Variants in PBRM1 observed in about 807,000 individuals in gnomAD.
PBRM1 encodes protein polybromo-1.
PBRM1 carries 27 observed loss-of-function variants against 194.5 expected under a neutral mutation model. The ratio of observed to expected loss-of-function variants is 0.14; its 90% CI spans 0.10 to 0.19. The LOEUF (loss-of-function observed/expected upper bound fraction) is 0.19. Among genes scored for constraint, PBRM1 ranks in the 10% least tolerant of loss-of-function variants. The pLI, the probability that PBRM1 is intolerant of heterozygous loss-of-function variation, is 1.00. For synonymous variants in PBRM1, 655 were observed against 693.2 expected (o/e 0.94, Z 0.87); for missense variants, 1,466 against 2,077.2 (o/e 0.71, Z 5.72).
chr3:52,580,996 G>A (rs1048601640), intron 20 of PBRM1, among the ~76,000 whole-genome samples: 1 of 152,176 alleles, frequency 6.6e-6, no homozygotes, highest in Non-Finnish European at 1.5e-5. Flanking sequence ...GAACCTAGCT[G>A]ATAATCGGCA....
chr3:52,675,278 A>ATTT (rs1157778640), intron 2 of PBRM1, among the ~76,000 whole-genome samples: 3 of 152,250 alleles, frequency 2.0e-5, no homozygotes, highest in African/African-American at 7.2e-5. Flanking sequence ...ATGAATTCTA[A>ATTT]CCAGACATTT....
At chr3:52,547,696 A>G (rs367997520), downstream of PBRM1, 1 of 236,076 alleles carries the variant, frequency 4.2e-6, no homozygotes, top group African/African-American at 2.2e-5. Context: ...TATATATATA[A>G]AAAAACCCAA....
At chr3:52,570,471 C>A in intron 22 of PBRM1, among the ~76,000 whole-genome samples, 1 of 152,080 alleles carries the variant, frequency 6.6e-6, no homozygotes, top group Non-Finnish European at 1.5e-5. Context: ...GGGATAATTA[C>A]AATTTTCCAT....
chr3:52,589,881 T>G (rs2153812784), intron 17 of PBRM1, among the ~76,000 whole-genome samples: 1 of 152,118 alleles, frequency 6.6e-6, no homozygotes, highest in East Asian at 2.0e-4. Flanking sequence ...CAGGCTGGAG[T>G]GCAATGGCAC....
intron 17 of PBRM1, among the ~76,000 whole-genome samples, chr3:52,593,056 A>G (rs2093247052): frequency 6.6e-6 from 1 of 152,038 alleles, no homozygotes; most frequent in African/African-American, 2.4e-5. Context: ...CTTCTTCATT[A>G]TTCTAGCTAG....
intron 7 of PBRM1, among the ~76,000 whole-genome samples, chr3:52,646,234 C>T (rs2096285532): frequency 6.6e-6 from 1 of 152,082 alleles, no homozygotes; most frequent in African/African-American, 2.4e-5. Context: ...CATTAAATAC[C>T]AACAGCAATT....
chr3:52,675,443 C>G (rs1452753041), intron 2 of PBRM1, among the ~76,000 whole-genome samples: 2 of 152,168 alleles, frequency 1.3e-5, no homozygotes, highest in African/African-American at 4.8e-5. Flanking sequence ...CTTATGAATA[C>G]TGATGCAAAA....
At chr3:52,677,740 T>C (rs2097137660) in intron 2 of PBRM1, among the ~76,000 whole-genome samples, 1 of 152,154 alleles carries the variant, frequency 6.6e-6, no homozygotes, top group Non-Finnish European at 1.5e-5. Flanking sequence ...TTGTATTTTT[T>C]AGTAGAGACA....
intron 22 of PBRM1, among the ~76,000 whole-genome samples, chr3:52,571,574 C>T (rs1324147177): frequency 7.3e-6 from 1 of 137,638 alleles, no homozygotes; most frequent in African/African-American, 2.7e-5. Flanking sequence ...TGCGGTGAAC[C>T]GAGATTGCAC....
intron 4 of PBRM1, among the ~76,000 whole-genome samples, chr3:52,659,652 G>C (rs895697752): frequency 1.3e-5 from 2 of 152,110 alleles, no homozygotes; most frequent in Non-Finnish European, 2.9e-5. Flanking sequence ...CAAACACTTG[G>C]GCTCAAGTGA....
chr3:52,682,926 G>A (rs970024374), upstream of PBRM1, among the ~76,000 whole-genome samples: 15 of 152,104 alleles, frequency 9.9e-5, no homozygotes, highest in Non-Finnish European at 2.1e-4. Context: ...TTAGCTGGGT[G>A]CGGTGGCTCA....
intron 26 of PBRM1, 98 bp from the exon 29 acceptor site, chr3:52,554,977 C>T (rs970940821): frequency 2.2e-6 from 2 of 914,354 alleles, no homozygotes; most frequent in Non-Finnish European, 3.5e-6. Flanking sequence ...ATGAATAAAG[C>T]ACCCTTAGTA....
intron 10 of PBRM1, among the ~76,000 whole-genome samples, chr3:52,637,384 C>T (rs924224206): frequency 6.6e-6 from 1 of 152,050 alleles, no homozygotes; most frequent in Admixed American, 6.6e-5. Context: ...GTAACCCCAA[C>T]AATTCGAGAG....
intron 19 of PBRM1, 75 bp downstream of exon 21, chr3:52,587,278 A>C (rs113150669): frequency 9.4e-7 from 1 of 1,065,094 alleles, no homozygotes; most frequent in Non-Finnish European, 1.4e-6. Context: ...TTTTGTAAAC[A>C]TCGATTATTT....
chr3:52,582,925 G>A (rs921041051), intron 20 of PBRM1, among the ~76,000 whole-genome samples: 6 of 150,286 alleles, frequency 4.0e-5, no homozygotes, highest in East Asian at 4.0e-4. Context: ...ATGAAACCCC[G>A]TCTCTACTAA....
chr3:52,613,549 G>GCC (rs1560375129), intron 15 of PBRM1, among the ~76,000 whole-genome samples: 1 of 151,964 alleles, frequency 6.6e-6, no homozygotes. Context: ...TCCCTATGTT[G>GCC]CCCAGGCTGG....
rs1575702432 is a variant in PBRM1 at position 52,566,807 on chromosome 3, C to T, written c.3692-2574G>A. ...GTATTTAAAAACGGTTAAGGCTGGG[C>T]GTGGTAATCCTAGCACTTTGGGAGG... On this transcript the variant is annotated intron_variant, in intron 22 of 29. Coordinates refer to ENST00000296302, the Ensembl canonical transcript of PBRM1. Among the ~76,000 whole-genome samples, 3 of 152,152 alleles carry T rather than the reference C, an allele frequency of 2.0e-5. No homozygotes were observed. In the East Asian group the frequency reaches 5.8e-4, roughly 29 times the overall value.
At chr3:52,638,726 T>C (rs11720432) in intron 10 of PBRM1, among the ~76,000 whole-genome samples, 51,222 of 151,478 alleles carry the variant, frequency 0.34, 9,665 homozygotes, top group Admixed American at 0.46. Flanking sequence ...ACCAAGTAGG[T>C]AGGACTACAG....
At chr3:52,630,651 G>T (rs1484206721) in intron 11 of PBRM1, among the ~76,000 whole-genome samples, 1 of 152,192 alleles carries the variant, frequency 6.6e-6, no homozygotes, top group Non-Finnish European at 1.5e-5. Flanking sequence ...ACAATCCGCG[G>T]AAGGCAGCAA....
Sources: allele counts gnomAD v4.1 joint callset (sites outside exome capture counted in the v4.1 genomes callset), GRCh38; gene constraint gnomAD v4.1.1; transcripts MANE v1.5; gene names NCBI Gene and HGNC (gene_info 2026-07-23, HGNC 2026-07-21).